Variants in DDX46 observed in about 807,000 individuals in gnomAD.
DDX46 encodes the protein DEAD-box helicase 46, also known as probable ATP-dependent RNA helicase DDX46.
A neutral mutation model predicts 134.9 loss-of-function variants in DDX46; 30 were observed. The ratio of observed to expected loss-of-function variants is 0.22; its 90% CI spans 0.17 to 0.30. The LOEUF (loss-of-function observed/expected upper bound fraction) is 0.30. Among genes scored for constraint, DDX46 ranks in the 10% least tolerant of loss-of-function variants. DDX46 has a pLI of 1.00. For missense variants in DDX46, 622 were observed against 1,248.7 expected (o/e 0.50, Z 7.56); for synonymous variants, 415 against 404.1 (o/e 1.03, Z -0.32).
intron 11 of DDX46, 27 bp from the exon 12 acceptor site, chr5:134,788,486 A>C (rs759309669): frequency 2.5e-6 from 4 of 1,587,296 alleles, no homozygotes; most frequent in Middle Eastern, 1.8e-4. Flanking sequence ...TTAGTAATAG[A>C]CTATAAAGTT....
At chr5:134,764,679 A>G (rs1411959660) in intron 2 of DDX46, among the ~76,000 whole-genome samples, 5 of 152,208 alleles carry the variant, frequency 3.3e-5, no homozygotes, top group Non-Finnish European at 7.3e-5. Flanking sequence ...AAATGAAGTA[A>G]AAAGTAAAGT....
rs1376372512 is a variant in DDX46, at chr5:134,818,951, C to T, written c.2924C>T (p.Pro975Leu). The part of the protein sequence containing the change: ...AAITIRGTYF[P>L]PGKEPKEGER... ...ATTACAATCAGAGGAACCTACTTCC[C>T]TCCTGGCAAAGAACCCAAGGAAGGC... Residue 975 changes from proline (P) to leucine (L), a missense_variant, in exon 21 of 23, where the codon CCT becomes CTT. Physicochemically the swap from Pro to Leu is moderately conservative, Grantham distance 98. This residue lies in a region of DDX46 where 76 missense variants were observed against 213.0 expected (regional missense o/e 0.36). Transcript: ENST00000452510. The T allele has an allele frequency of 1.2e-6, 2 of 1,613,936 alleles. No individual in the cohort carries two copies. Among genetic ancestry groups the T allele is most frequent in the Non-Finnish European group, 1.7e-6 (2 of 1,179,986 alleles).
chr5:134,820,744 CTT>C (rs1365688593), intron 21 of DDX46, among the ~76,000 whole-genome samples: 1 of 152,134 alleles, frequency 6.6e-6, no homozygotes, highest in Non-Finnish European at 1.5e-5. Flanking sequence ...CTTCGTGAAA[CTT>C]AAACAGGATT....
At chr5:134,799,061 T>G (rs895830820) in intron 15 of DDX46, among the ~76,000 whole-genome samples, 1 of 152,194 alleles carries the variant, frequency 6.6e-6, no homozygotes, top group Non-Finnish European at 1.5e-5. Context: ...GTAGGTAATA[T>G]GGGCTTACTA....
At chr5:134,770,208 T>TC (rs1474239651) in intron 3 of DDX46, among the ~76,000 whole-genome samples, 2 of 151,150 alleles carry the variant, frequency 1.3e-5, no homozygotes, top group African/African-American at 4.9e-5. Flanking sequence ...AATTTTTTTT[T>TC]TTTTTTTTTT....
At chr5:134,803,752 G>T (rs562820031) in intron 15 of DDX46, among the ~76,000 whole-genome samples, 5 of 152,118 alleles carry the variant, frequency 3.3e-5, no homozygotes, top group Middle Eastern at 3.4e-3. Context: ...GTCCAGTAAG[G>T]TTTCTCCTAC....
chr5:134,781,758 CT>C (rs1213488950), intron 7 of DDX46, among the ~76,000 whole-genome samples, 162 bp from the exon 8 acceptor site: 1 of 152,106 alleles, frequency 6.6e-6, no homozygotes, highest in Non-Finnish European at 1.5e-5. Context: ...TTTAAGTGTG[CT>C]GGAGCACTAT....
chr5:134,806,321 T>C (rs1266765585), intron 15 of DDX46, among the ~76,000 whole-genome samples: 1 of 152,154 alleles, frequency 6.6e-6, no homozygotes, highest in Non-Finnish European at 1.5e-5. Context: ...TCTCATTTGA[T>C]GTATACCTGA....
chr5:134,773,942 CT>C, intron 5 of DDX46, 81 bp downstream of exon 5: 1 of 1,349,294 alleles, frequency 7.4e-7, no homozygotes, highest in Non-Finnish European at 9.8e-7. Context: ...GGTTTTTAAT[CT>C]TTTTTATTGT....
At chr5:134,812,059 CTTTTTTTTTTT>C (rs767502728) in intron 18 of DDX46, among the ~76,000 whole-genome samples, 2 of 99,042 alleles carry the variant, frequency 2.0e-5, no homozygotes, top group Non-Finnish European at 4.0e-5. Flanking sequence ...GTGAAAAGTC[CTTTTTTTTTTT>C]TTTTTTTTTT....
chr5:134,770,093 C>T (rs367797876), intron 3 of DDX46, among the ~76,000 whole-genome samples: 8 of 151,678 alleles, frequency 5.3e-5, no homozygotes, highest in African/African-American at 1.9e-4. Flanking sequence ...GACGAGGTCT[C>T]ACTGTATTAT....
intron 6 of DDX46, among the ~76,000 whole-genome samples, chr5:134,780,136 G>GTA (rs1554148813): frequency 1.2e-4 from 17 of 147,394 alleles, no homozygotes; most frequent in East Asian, 4.1e-4. Context: ...GTGTGTGTGT[G>GTA]TGTATATGTA....
chr5:134,812,755 A>G (rs1317551990), intron 18 of DDX46, among the ~76,000 whole-genome samples: 1 of 151,924 alleles, frequency 6.6e-6, no homozygotes, highest in Non-Finnish European at 1.5e-5. Context: ...TTCCTGTTTC[A>G]GCCTCCCTAG....
At chr5:134,770,199 ATTTTTTTT>A (rs368105956) in intron 3 of DDX46, among the ~76,000 whole-genome samples, 1 of 129,804 alleles carries the variant, frequency 7.7e-6, no homozygotes, top group Non-Finnish European at 1.6e-5. Context: ...GCCTGACCAA[ATTTTTTTT>A]TTTTTTTTTT....
chr5:134,762,783 G>A (rs576763374), intron 1 of DDX46, among the ~76,000 whole-genome samples: 18 of 151,720 alleles, frequency 1.2e-4, no homozygotes, highest in African/African-American at 4.3e-4. Flanking sequence ...GTGGCCGGGC[G>A]CAGTGGCCCA....
At chr5:134,817,454 C>A in intron 19 of DDX46, 42 bp from the exon 20 acceptor site, 1 of 1,587,028 alleles carries the variant, frequency 6.3e-7, no homozygotes, top group South Asian at 1.1e-5. Context: ...ACTCTTGTCT[C>A]TGCCCTCATT....
chr5:134,794,938 G>A lies in DDX46; in HGVS notation c.1715G>A (p.Arg572His), dbSNP rs202100525. 1.2e-6 allele frequency: 2 copies of A among 1,614,126 alleles called. No homozygotes were observed. The highest frequency in any genetic ancestry group is 1.7e-6 in the Non-Finnish European group (2 of 1,180,028). Residue 572 changes from arginine (R) to histidine (H), a missense_variant, in exon 14 of 23, where the codon CGC becomes CAC. By Grantham distance (29) the Arg-to-His change is conservative. This residue lies in a region of DDX46 where 209 missense variants were observed against 508.4 expected (regional missense o/e 0.41). Coordinates refer to ENST00000452510, the MANE Select transcript of DDX46 (RefSeq NM_001300860.2). ...TFPRAMEALA[R>H]RILSKPIEVQ... ...CCCAGAGCTATGGAGGCTTTGGCTC[G>A]CAGGATCCTCAGTAAACCTATTGAA...
At chr5:134,795,750 G>A (rs1754638591) in intron 14 of DDX46, among the ~76,000 whole-genome samples, 1 of 152,114 alleles carries the variant, frequency 6.6e-6, no homozygotes, top group Admixed American at 6.6e-5. Context: ...TTGGTTACTA[G>A]GATATGAAAT....
At chr5:134,799,814 G>A (rs542126238) in intron 15 of DDX46, among the ~76,000 whole-genome samples, 1 of 151,830 alleles carries the variant, frequency 6.6e-6, no homozygotes, top group Non-Finnish European at 1.5e-5. Context: ...GGAGACTGAG[G>A]TGGAAGGATT....
Sources: allele counts gnomAD v4.1 joint callset (sites outside exome capture counted in the v4.1 genomes callset), GRCh38; gene constraint gnomAD v4.1.1; regional missense constraint gnomAD v4.1.1; transcripts MANE v1.5; gene names NCBI Gene and HGNC (gene_info 2026-07-23, HGNC 2026-07-21).